PREX1: variants seen among roughly 807,000 people sequenced by gnomAD.
PREX1 encodes the protein phosphatidylinositol-3,4,5-trisphosphate dependent Rac exchange factor 1, also known as phosphatidylinositol 3,4,5-trisphosphate-dependent Rac exchanger 1 protein.
A neutral mutation model predicts 198.3 loss-of-function variants in PREX1; 41 were observed. That is an observed-to-expected ratio of 0.21 (90% CI 0.16 to 0.27). The LOEUF is 0.27. Among genes scored for constraint, PREX1 ranks in the 10% least tolerant of loss-of-function variants. The pLI, the probability that PREX1 is intolerant of heterozygous loss-of-function variation, is 1.00. For synonymous variants in PREX1, 843 were observed against 887.2 expected (o/e 0.95, Z 0.89); for missense variants, 1,620 against 2,200.7 (o/e 0.74, Z 5.28).
At chr20:48,791,892 T>C (rs2090340496) in intron 1 of PREX1, among the ~76,000 whole-genome samples, 1 of 152,220 alleles carries the variant, frequency 6.6e-6, no homozygotes, top group Non-Finnish European at 1.5e-5. Flanking sequence ...AAAATGTCTT[T>C]AAGAAGTCAA....
At chr20:48,858,278 C>T in the PREX1 span, among the ~76,000 whole-genome samples, 13 of 152,224 alleles carry the variant, frequency 8.5e-5, no homozygotes, top group African/African-American at 3.1e-4. Context: ...GGGCATGTGA[C>T]TCTGTCTCGT....
chr20:48,718,982 A>C (rs1344496363), intron 5 of PREX1, among the ~76,000 whole-genome samples: 1 of 152,250 alleles, frequency 6.6e-6, no homozygotes, highest in Non-Finnish European at 1.5e-5. Context: ...ACATTTAACA[A>C]GCATGACCAT....
the PREX1 span, among the ~76,000 whole-genome samples, chr20:48,855,270 G>T: frequency 6.6e-6 from 1 of 152,046 alleles, no homozygotes; most frequent in East Asian, 1.9e-4. Flanking sequence ...AGCAAGATAG[G>T]GCTAGAAAAG....
At chr20:48,715,202 G>A (rs1345386316) in intron 5 of PREX1, among the ~76,000 whole-genome samples, 2 of 152,196 alleles carry the variant, frequency 1.3e-5, no homozygotes, top group African/African-American at 4.8e-5. Context: ...CTTGCTAAGC[G>A]TCTTGGGAGA....
chr20:48,747,573 A>AAGTGGGGCCCG (rs1339712927), intron 2 of PREX1, among the ~76,000 whole-genome samples: 1 of 152,198 alleles, frequency 6.6e-6, no homozygotes, highest in Middle Eastern at 3.2e-3. Context: ...TCGGGTTGGA[A>AAGTGGGGCCCG]AGTGGGGCCC....
intron 21 of PREX1, 23 bp downstream of exon 21, chr20:48,652,563 T>G: frequency 6.3e-7 from 1 of 1,590,804 alleles, no homozygotes; most frequent in Non-Finnish European, 8.6e-7. Flanking sequence ...GAAGCTCCTG[T>G]CATGCCATGC....
chr20:48,867,379 AC>A, the PREX1 span, among the ~76,000 whole-genome samples: 1 of 152,186 alleles, frequency 6.6e-6, no homozygotes, highest in Admixed American at 6.6e-5. Context: ...GAAAGCACCT[AC>A]CCCAGAGTTA....
At chr20:48,787,910 T>C (rs2122953664) in intron 1 of PREX1, among the ~76,000 whole-genome samples, 1 of 152,344 alleles carries the variant, frequency 6.6e-6, no homozygotes, top group South Asian at 2.1e-4. Flanking sequence ...TTATCTTCTC[T>C]GTTTTTAAGA....
intron 4 of PREX1, among the ~76,000 whole-genome samples, chr20:48,728,263 C>T (rs1253697887): frequency 6.6e-6 from 1 of 152,240 alleles, no homozygotes; most frequent in Non-Finnish European, 1.5e-5. Context: ...CATAAGAACA[C>T]ATACCATGTG....
intron 7 of PREX1, among the ~76,000 whole-genome samples, chr20:48,695,514 G>A (rs2089840882): frequency 6.6e-6 from 1 of 152,358 alleles, no homozygotes; most frequent in Middle Eastern, 3.4e-3. Context: ...TTCCAAAATA[G>A]TTGTACTGAT....
chr20:48,707,317 C>G (rs531573474), intron 6 of PREX1, among the ~76,000 whole-genome samples: 154 of 152,278 alleles, frequency 1.0e-3, no homozygotes, highest in Non-Finnish European at 1.7e-3. Context: ...CTCGGCTGGG[C>G]AGGAAGGCCC....
intron 1 of PREX1, among the ~76,000 whole-genome samples, chr20:48,756,722 C>T (rs2090157244): frequency 6.6e-6 from 1 of 152,180 alleles, no homozygotes; most frequent in Admixed American, 6.5e-5. Flanking sequence ...GCCTGGAAGA[C>T]TCTTTCTCCA....
chr20:48,754,400 GAACCGCA>G (rs2090147706), intron 1 of PREX1, among the ~76,000 whole-genome samples: 1 of 152,176 alleles, frequency 6.6e-6, no homozygotes, highest in Non-Finnish European at 1.5e-5. Context: ...TGTGGACAAT[GAACCGCA>G]TCAGCCTTTA....
At chr20:48,748,902 A>C (rs916261434) in intron 1 of PREX1, among the ~76,000 whole-genome samples, 8 of 152,182 alleles carry the variant, frequency 5.3e-5, no homozygotes, top group African/African-American at 1.9e-4. Flanking sequence ...AGTGTTGGTG[A>C]AAAAGCCCTC....
At chr20:48,878,628 G>A in the PREX1 span, among the ~76,000 whole-genome samples, 1,377 of 152,166 alleles carry the variant, frequency 9.0e-3, 18 homozygotes, top group African/African-American at 0.032. Flanking sequence ...ATGAGCCACC[G>A]CGCCCGGCCA....
the PREX1 span, among the ~76,000 whole-genome samples, chr20:48,876,241 A>G: frequency 0.012 from 1,817 of 152,234 alleles, 16 homozygotes; most frequent in Non-Finnish European, 0.019. Flanking sequence ...GACTGCTGTT[A>G]AGACTGAGGT....
Position 48,679,667 on chromosome 20 carries a change from T to A in PREX1, c.1523A>T (p.Glu508Val). The change falls in exon 12 of 40, where the codon GAG (glutamate) becomes GTG (valine). Residue 508 changes from glutamate (E) to valine (V), a missense_variant. Transcript: ENST00000371941. ...GGCCCCTACCTTGGACATGATGTCC[T>A]CCAGCTCACTTCGGGCCTTGTAGGT... is the stretch of plus-strand genomic sequence containing the variant. ...DGTYKARSEL[E>V]DIMSKGVRLY... The A allele has an allele frequency of 6.2e-7, 1 of 1,611,102 alleles. No homozygotes were observed. Among genetic ancestry groups the A allele is most frequent in the Non-Finnish European group, 8.5e-7 (1 of 1,177,268 alleles).
At chr20:48,763,447 C>G (rs548799586) in intron 1 of PREX1, among the ~76,000 whole-genome samples, 1 of 152,304 alleles carries the variant, frequency 6.6e-6, no homozygotes, top group East Asian at 1.9e-4. Flanking sequence ...GCTGGACATC[C>G]TGGGGTCCTT....
chr20:48,755,483 C>G (rs1423926177), intron 1 of PREX1, among the ~76,000 whole-genome samples: 1 of 152,186 alleles, frequency 6.6e-6, no homozygotes, highest in South Asian at 2.1e-4. Flanking sequence ...ATATTATGTA[C>G]AACATCTTGG....
Sources: allele counts gnomAD v4.1 joint callset (sites outside exome capture counted in the v4.1 genomes callset), GRCh38; gene constraint gnomAD v4.1.1; transcripts MANE v1.5; gene names NCBI Gene and HGNC (gene_info 2026-07-23, HGNC 2026-07-21).